Variants in GRID1 observed in about 807,000 individuals in gnomAD.
GRID1 encodes glutamate ionotropic receptor delta type subunit 1.
A neutral mutation model predicts 98.0 loss-of-function variants in GRID1; 28 were observed. The ratio of observed to expected loss-of-function variants is 0.29; its 90% CI spans 0.21 to 0.39. GRID1 has a LOEUF of 0.39. GRID1 is among the 10% of genes least tolerant of loss of function. The probability of loss-of-function intolerance (pLI) is 1.00; values close to 1 mark genes in which losing one functional copy is unlikely to be tolerated. For synonymous variants in GRID1, 553 were observed against 538.5 expected (o/e 1.03, Z -0.37); for missense variants, 1,111 against 1,340.5 (o/e 0.83, Z 2.67).
At chr10:86,031,714 T>C (rs17106183) in intron 4 of GRID1, among the ~76,000 whole-genome samples, 3,269 of 152,090 alleles carry the variant, frequency 0.021, 99 homozygotes, top group African/African-American at 0.064. Flanking sequence ...TCTCCCACCA[T>C]GGTCTGTTCT....
At chr10:85,722,381 C>T (rs1212021835) in intron 12 of GRID1, among the ~76,000 whole-genome samples, 1 of 152,156 alleles carries the variant, frequency 6.6e-6, no homozygotes, top group Non-Finnish European at 1.5e-5. Context: ...TCACTCTGTC[C>T]AAGTTCTTTT....
chr10:86,046,803 T>C (rs1291244627), intron 4 of GRID1, among the ~76,000 whole-genome samples: 1 of 151,646 alleles, frequency 6.6e-6, no homozygotes, highest in Non-Finnish European at 1.5e-5. Flanking sequence ...TGCAATCTCT[T>C]TACATCTGTA....
intron 4 of GRID1, among the ~76,000 whole-genome samples, chr10:85,966,102 T>A (rs558416115): frequency 1.4e-4 from 22 of 152,332 alleles, no homozygotes; most frequent in Non-Finnish European, 2.8e-4. Context: ...AAGATCCTTA[T>A]GCACACGGTG....
intron 2 of GRID1, among the ~76,000 whole-genome samples, chr10:86,230,730 C>G (rs1206518275): frequency 6.6e-6 from 1 of 152,178 alleles, no homozygotes; most frequent in East Asian, 1.9e-4. Context: ...GCTCAGTTGT[C>G]ACCTCCTCCA....
chr10:86,242,195 G>C (rs1254172316), intron 2 of GRID1, among the ~76,000 whole-genome samples: 8 of 152,262 alleles, frequency 5.3e-5, no homozygotes, highest in Non-Finnish European at 1.5e-5. Flanking sequence ...TTTGAAGGCA[G>C]AGCAAGATTT....
At chr10:86,362,398 G>T (rs1223436119) in intron 2 of GRID1, among the ~76,000 whole-genome samples, 1 of 152,164 alleles carries the variant, frequency 6.6e-6, no homozygotes, top group Non-Finnish European at 1.5e-5. Flanking sequence ...CTGCTGGTGG[G>T]ACACGACCAG....
intron 2 of GRID1, among the ~76,000 whole-genome samples, chr10:86,304,203 G>GC (rs1458489207): frequency 6.6e-6 from 1 of 152,204 alleles, no homozygotes; most frequent in Non-Finnish European, 1.5e-5. Flanking sequence ...AATGCATTCT[G>GC]CCCCTCGGCT....
chr10:85,636,047 T>C (rs1843036791), intron 13 of GRID1, among the ~76,000 whole-genome samples: 1 of 152,188 alleles, frequency 6.6e-6, no homozygotes, highest in Admixed American at 6.5e-5. Context: ...TGAAGCACAA[T>C]AGACTTGATG....
At chr10:86,022,224 G>A (rs889709285) in intron 4 of GRID1, among the ~76,000 whole-genome samples, 1 of 152,126 alleles carries the variant, frequency 6.6e-6, no homozygotes, top group Non-Finnish European at 1.5e-5. Context: ...TTTATAAAAT[G>A]TATCTTTAGA....
chr10:86,106,953 A>G (rs540185334), intron 4 of GRID1, among the ~76,000 whole-genome samples: 71 of 152,156 alleles, frequency 4.7e-4, no homozygotes, highest in Non-Finnish European at 9.7e-4. Flanking sequence ...TCTACGAGAG[A>G]GGACTTCTAG....
chr10:86,233,248 G>A (rs1846483844), intron 2 of GRID1, among the ~76,000 whole-genome samples: 1 of 151,918 alleles, frequency 6.6e-6, no homozygotes, highest in Non-Finnish European at 1.5e-5. Context: ...GCCAGGTTCG[G>A]TGCAGCTTCT....
chr10:85,723,680 T>C (rs1437959300), intron 11 of GRID1, among the ~76,000 whole-genome samples: 1 of 152,188 alleles, frequency 6.6e-6, no homozygotes, highest in Non-Finnish European at 1.5e-5. Context: ...TTCTCAGAAA[T>C]CAGGGCATGA....
chr10:86,356,997 G>A (rs139285194), intron 2 of GRID1, among the ~76,000 whole-genome samples: 1 of 152,240 alleles, frequency 6.6e-6, no homozygotes, highest in Admixed American at 6.5e-5. Flanking sequence ...ATTACAAGAG[G>A]TGACTGTGAG....
At chr10:85,996,723 G>A (rs2131871818) in intron 4 of GRID1, among the ~76,000 whole-genome samples, 1 of 151,930 alleles carries the variant, frequency 6.6e-6, no homozygotes, top group East Asian at 1.9e-4. Context: ...CAGCTACTCA[G>A]AAGGCTGAGG....
At chr10:86,071,736 A>G (rs995614906) in intron 4 of GRID1, among the ~76,000 whole-genome samples, 4 of 152,210 alleles carry the variant, frequency 2.6e-5, no homozygotes, top group African/African-American at 9.6e-5. Flanking sequence ...GCAGCCTTGA[A>G]GAGCTCATGG....
intron 2 of GRID1, among the ~76,000 whole-genome samples, chr10:86,339,089 G>A (rs1034771915): frequency 5.3e-5 from 8 of 152,130 alleles, no homozygotes; most frequent in African/African-American, 1.4e-4. Flanking sequence ...CAAGCTCCAC[G>A]TACCATGTCC....
chr10:85,785,105 C>T (rs1408907911), intron 8 of GRID1, among the ~76,000 whole-genome samples: 4 of 152,190 alleles, frequency 2.6e-5, no homozygotes, highest in African/African-American at 4.8e-5. Flanking sequence ...GACTGAGAGG[C>T]GCATGCACAT....
chr10:86,258,337 A>T (rs769772719), intron 2 of GRID1, among the ~76,000 whole-genome samples: 1 of 152,238 alleles, frequency 6.6e-6, no homozygotes, highest in Non-Finnish European at 1.5e-5. Flanking sequence ...GTAAAAAACA[A>T]AATTGGTATT....
At chr10:86,325,867 T>C (rs1327170240) in intron 2 of GRID1, among the ~76,000 whole-genome samples, 1 of 152,214 alleles carries the variant, frequency 6.6e-6, no homozygotes. Context: ...ACTAAAAATA[T>C]TTAGCATTGT....
Sources: allele counts gnomAD v4.1 joint callset (sites outside exome capture counted in the v4.1 genomes callset), GRCh38; gene constraint gnomAD v4.1.1; transcripts MANE v1.5; gene names NCBI Gene and HGNC (gene_info 2026-07-23, HGNC 2026-07-21).